Variants in ASTN2 observed in about 807,000 individuals in gnomAD.
The protein encoded by ASTN2 is astrotactin-2.
In ASTN2, 54 loss-of-function variants were observed where a neutral mutation model predicts 139.8. The ratio of observed to expected loss-of-function variants is 0.39; its 90% CI spans 0.31 to 0.48. The LOEUF is 0.48. ASTN2 is among the 20% of genes least tolerant of loss of function. The pLI is 0.95. For missense variants in ASTN2, 1,565 were observed against 1,725.1 expected (o/e 0.91, Z 1.64); for synonymous variants, 756 against 719.5 (o/e 1.05, Z -0.81).
chr9:116,515,183 C>A (rs1160121606), intron 19 of ASTN2, among the ~76,000 whole-genome samples: 3 of 152,160 alleles, frequency 2.0e-5, no homozygotes, highest in Middle Eastern at 3.2e-3. Flanking sequence ...AAGGTGAATT[C>A]TCATTTGGAT....
intron 1 of ASTN2, among the ~76,000 whole-genome samples, chr9:117,314,104 C>T (rs1323827898): frequency 1.3e-5 from 2 of 152,154 alleles, no homozygotes; most frequent in African/African-American, 4.8e-5. Flanking sequence ...CCCAAAGACA[C>T]CTTGCTGAAA....
At chr9:117,314,719 ATATAAT>A (rs1431656428) in intron 1 of ASTN2, among the ~76,000 whole-genome samples, 2 of 145,814 alleles carry the variant, frequency 1.4e-5, no homozygotes, top group African/African-American at 5.0e-5. Flanking sequence ...ATATAATCAC[ATATAAT>A]TATATGTCAT....
chr9:116,532,931 A>G (rs1229913124), intron 19 of ASTN2, among the ~76,000 whole-genome samples: 1 of 152,192 alleles, frequency 6.6e-6, no homozygotes, highest in Non-Finnish European at 1.5e-5. Context: ...GATGGCACTG[A>G]ATCTATAAAT....
chr9:116,479,286 A>C (rs1438226831), intron 20 of ASTN2, among the ~76,000 whole-genome samples: 1 of 152,192 alleles, frequency 6.6e-6, no homozygotes, highest in Non-Finnish European at 1.5e-5. Context: ...GCATGAAGAA[A>C]GGAAATGAAG....
At chr9:117,222,218 T>A (rs1832546008) in intron 2 of ASTN2, among the ~76,000 whole-genome samples, 2 of 152,160 alleles carry the variant, frequency 1.3e-5, no homozygotes, top group Admixed American at 1.3e-4. Flanking sequence ...TCCTGTAGTT[T>A]GACAGTTCAA....
rs142280829 is a variant in ASTN2, at chr9:117,205,065, T to G, written c.1015+9293A>C. Among the ~76,000 whole-genome samples the G allele has an allele frequency of 3.3e-5, 5 of 152,324 alleles. No individual in the cohort carries two copies. The East Asian group carries it at 7.7e-4, about 24-fold the overall frequency. ...ATAAAATAAATGCAGACTGTCCTTG[T>G]TGTAAGATGAGAAATCACATGAAAA... is the stretch of plus-strand genomic sequence containing the variant. On this transcript the variant is annotated intron_variant, in intron 3 of 22. Transcript: ENST00000313400.
chr9:117,257,276 CG>C (rs1457173779), intron 2 of ASTN2, among the ~76,000 whole-genome samples: 1 of 152,140 alleles, frequency 6.6e-6, no homozygotes, highest in African/African-American at 2.4e-5. Context: ...ACACTGACTT[CG>C]GGGCTGCATG....
intron 19 of ASTN2, among the ~76,000 whole-genome samples, chr9:116,600,572 T>C (rs1002810406): frequency 2.6e-5 from 4 of 152,162 alleles, no homozygotes; most frequent in African/African-American, 4.8e-5. Context: ...CCCTCATCTG[T>C]AGATGTAGAT....
intron 1 of ASTN2, among the ~76,000 whole-genome samples, chr9:117,327,455 T>A (rs567918457): frequency 3.9e-5 from 6 of 152,100 alleles, no homozygotes; most frequent in African/African-American, 1.4e-4. Flanking sequence ...GGGGTTACAG[T>A]AGATAGGGTT....
At chr9:116,831,204 T>C (rs1831804828) in intron 11 of ASTN2, among the ~76,000 whole-genome samples, 2 of 151,996 alleles carry the variant, frequency 1.3e-5, no homozygotes, top group Non-Finnish European at 2.9e-5. Context: ...GGTGGGAGAA[T>C]GGAAGGGTGG....
chr9:116,625,201 C>T (rs903034586), intron 17 of ASTN2, among the ~76,000 whole-genome samples: 8 of 152,166 alleles, frequency 5.3e-5, no homozygotes, highest in Admixed American at 1.3e-4. Context: ...AAGGCCGAGG[C>T]GGGTGGATCA....
At chr9:117,299,326 G>C (rs1834818171) in intron 1 of ASTN2, among the ~76,000 whole-genome samples, 1 of 152,174 alleles carries the variant, frequency 6.6e-6, no homozygotes, top group South Asian at 2.1e-4. Context: ...TCTGAGAGCT[G>C]GCATTGTGGG....
At chr9:117,302,248 C>G (rs1040817263) in intron 1 of ASTN2, among the ~76,000 whole-genome samples, 3 of 152,142 alleles carry the variant, frequency 2.0e-5, no homozygotes, top group African/African-American at 7.2e-5. Context: ...CAGCAACGAT[C>G]TGGAATCATG....
chr9:116,779,777 C>A (rs918487111), intron 13 of ASTN2, among the ~76,000 whole-genome samples: 1 of 152,166 alleles, frequency 6.6e-6, no homozygotes, highest in African/African-American at 2.4e-5. Context: ...CAGGTCAAGG[C>A]TCCTTCCATG....
rs398124253 is a variant in ASTN2 at position 116,698,420 on chromosome 9, C to T, written c.2806+27351G>A. On this transcript the variant is annotated intron_variant, in intron 16 of 22. Coordinates refer to ENST00000313400, the MANE Select transcript of ASTN2 (RefSeq NM_001365068.1). The surrounding 1 kb of genome is among the most constrained non-coding windows in gnomAD (Gnocchi z 4.4). ...GTCAAGTGGTAGAGGAGCAGAGTTA[C>T]CTGCTTAACATTGCAGAGGTGCAGG... 14 of 1,614,004 alleles carry T rather than the reference C, an allele frequency of 8.7e-6. No individual in the cohort carries two copies. Among genetic ancestry groups the T allele is most frequent in the Non-Finnish European group, 1.2e-5 (14 of 1,180,044 alleles).
rs1830476554 is a variant in ASTN2 at position 116,789,558 on chromosome 9, A to G, written c.2396+16074T>C. ...CCACTGCCCTTGGAGCTTTCTGTAT[A>G]AATTCACATCCAATAAACTGTGATC... On this transcript the variant is annotated intron_variant, in intron 13 of 22. Transcript: ENST00000313400. Among the ~76,000 whole-genome samples, 2 of 152,242 alleles carry G rather than the reference A, an allele frequency of 1.3e-5. 1 individual carries two copies. The highest frequency in any genetic ancestry group is 4.1e-4 in the South Asian group (2 of 4,828).
At chr9:117,313,302 A>T (rs777830380) in intron 1 of ASTN2, among the ~76,000 whole-genome samples, 2 of 152,178 alleles carry the variant, frequency 1.3e-5, no homozygotes, top group Non-Finnish European at 2.9e-5. Context: ...TTTGGATTTT[A>T]TCATATTTAC....
intron 5 of ASTN2, among the ~76,000 whole-genome samples, chr9:117,045,840 A>G (rs141567049): frequency 6.6e-6 from 1 of 152,150 alleles, no homozygotes. Flanking sequence ...TTTATTTCTT[A>G]GAGTGGCAAA....
intron 1 of ASTN2, among the ~76,000 whole-genome samples, chr9:117,379,633 G>A (rs1378354189): frequency 6.6e-6 from 1 of 152,224 alleles, no homozygotes; most frequent in Non-Finnish European, 1.5e-5. Context: ...TGTGAGCCAT[G>A]GCAGGGTGTC....
Sources: allele counts gnomAD v4.1 joint callset (sites outside exome capture counted in the v4.1 genomes callset), GRCh38; gene constraint gnomAD v4.1.1; non-coding constraint Gnocchi (gnomAD v3.1); transcripts MANE v1.5; gene names NCBI Gene and HGNC (gene_info 2026-07-23, HGNC 2026-07-21).